Variants in PTPRD observed in about 807,000 individuals in gnomAD.
The protein encoded by PTPRD is receptor-type tyrosine-protein phosphatase delta.
In PTPRD, 34 loss-of-function variants were observed where a neutral mutation model predicts 214.5. The observed-to-expected ratio is 0.16, with a 90% CI of 0.12 to 0.21. The LOEUF is 0.21. Ranked by LOEUF, PTPRD falls within the 10% of genes least tolerant of loss-of-function variation. The probability of loss-of-function intolerance (pLI) is 1.00; values close to 1 mark genes in which losing one functional copy is unlikely to be tolerated. For missense variants in PTPRD, 2,545 were observed against 2,398.7 expected (o/e 1.06, Z -1.27); for synonymous variants, 1,128 against 845.7 (o/e 1.33, Z -5.79).
chr9:9,452,310 A>C (rs1458660130), intron 8 of PTPRD, among the ~76,000 whole-genome samples: 1 of 151,514 alleles, frequency 6.6e-6, no homozygotes, highest in African/African-American at 2.4e-5. Flanking sequence ...ATACTCATTA[A>C]AAATATCTTT....
chr9:10,154,889 T>C lies in PTPRD; in HGVS notation c.-544-121099A>G, dbSNP rs7046548. On this transcript the variant is annotated intron_variant, in intron 3 of 45. Transcript: ENST00000381196. ...TTGAAGTCAGGTAGCATGCTGCCTCTAGCTTTGTTCTTTTTGCTTAGGATT... is the reference window on the plus strand; with the variant it reads ...TTGAAGTCAGGTAGCATGCTGCCTCCAGCTTTGTTCTTTTTGCTTAGGATT... Among the ~76,000 whole-genome samples the C allele has an allele frequency of 1.7e-3, 260 of 152,202 alleles. 1 individual carries two copies. The highest frequency in any genetic ancestry group is 4.8e-3 in the African/African-American group (200 of 41,570).
intron 4 of PTPRD, among the ~76,000 whole-genome samples, chr9:9,998,146 A>ATATAT (rs1566998658): frequency 7.3e-6 from 1 of 137,766 alleles, no homozygotes; most frequent in Non-Finnish European, 1.5e-5. Context: ...ATATATATAT[A>ATATAT]AAAGAAGAAG....
chr9:8,854,462 G>C (rs1361359130), intron 11 of PTPRD, among the ~76,000 whole-genome samples: 2 of 152,242 alleles, frequency 1.3e-5, no homozygotes, highest in East Asian at 1.9e-4. Context: ...AAATAGAATT[G>C]TCCAATGGTT....
chr9:9,497,153 C>G (rs543741481), intron 8 of PTPRD, among the ~76,000 whole-genome samples: 1 of 152,012 alleles, frequency 6.6e-6, no homozygotes, highest in Admixed American at 6.6e-5. Flanking sequence ...AGATGAGAAG[C>G]GTCATGGAGG....
intron 8 of PTPRD, among the ~76,000 whole-genome samples, chr9:9,555,292 C>T (rs983572299): frequency 9.9e-5 from 15 of 151,926 alleles, no homozygotes; most frequent in African/African-American, 3.4e-4. Context: ...TCATTGTTTA[C>T]CTATATAAAC....
rs1220887485 is a variant in PTPRD, at chr9:9,749,102, C to G, written c.-325-14531G>C. Among the ~76,000 whole-genome samples the G allele has an allele frequency of 5.3e-5, 8 of 152,056 alleles. No homozygotes were observed. In the South Asian group the frequency reaches 8.3e-4, roughly 16 times the overall value. ...AATCCACCTGATCTTCTCTTTACTC[C>G]TCTGATTCTAAAGTTTGGCAGAAGA... is the stretch of plus-strand genomic sequence containing the variant. On this transcript the variant is annotated intron_variant, in intron 6 of 45. Coordinates refer to ENST00000381196, the MANE Select transcript of PTPRD (RefSeq NM_002839.4).
intron 5 of PTPRD, among the ~76,000 whole-genome samples, chr9:9,928,084 C>G (rs10759106): frequency 0.074 from 11,187 of 152,132 alleles, 816 homozygotes; most frequent in East Asian, 0.19. Flanking sequence ...TTTTATTACA[C>G]TTTGAAAAGT....
intron 21 of PTPRD, among the ~76,000 whole-genome samples, chr9:8,508,026 C>A (rs890141624): frequency 2.0e-5 from 3 of 152,122 alleles, no homozygotes; most frequent in South Asian, 4.1e-4. Context: ...CTATCACTTA[C>A]AAATAATGAC....
At chr9:10,140,926 G>T (rs955963751) in intron 3 of PTPRD, among the ~76,000 whole-genome samples, 2 of 151,918 alleles carry the variant, frequency 1.3e-5, no homozygotes, top group African/African-American at 4.8e-5. Context: ...TCATCCCTGG[G>T]ATGCAAGGCT....
intron 7 of PTPRD, among the ~76,000 whole-genome samples, chr9:9,684,645 T>C (rs908600739): frequency 2.0e-5 from 3 of 151,526 alleles, no homozygotes; most frequent in Non-Finnish European, 4.4e-5. Context: ...TTGTTAGCAA[T>C]AGACAAATTT....
intron 7 of PTPRD, among the ~76,000 whole-genome samples, chr9:9,641,768 C>T (rs935550441): frequency 2.6e-5 from 4 of 152,108 alleles, no homozygotes; most frequent in South Asian, 2.1e-4. Context: ...CCTCCACAAA[C>T]GTGTTTGCCA....
intron 9 of PTPRD, among the ~76,000 whole-genome samples, chr9:9,187,886 G>C (rs2099932633): frequency 6.6e-6 from 1 of 151,836 alleles, no homozygotes; most frequent in African/African-American, 2.4e-5. Flanking sequence ...GGAATCCTGA[G>C]TCCTTTTGTC....
At chr9:8,324,756 GC>G (rs1831911593) in intron 44 of PTPRD, among the ~76,000 whole-genome samples, 1 of 152,076 alleles carries the variant, frequency 6.6e-6, no homozygotes. Context: ...ATCCTCCCCA[GC>G]ATCTGTTGTT....
intron 8 of PTPRD, among the ~76,000 whole-genome samples, chr9:9,439,858 G>A (rs192104942): frequency 6.6e-6 from 1 of 152,266 alleles, no homozygotes; most frequent in Non-Finnish European, 1.5e-5. Context: ...TGTAGATGAG[G>A]AAACTAAGTC....
At chr9:8,560,186 G>C (rs1161269132) in intron 14 of PTPRD, among the ~76,000 whole-genome samples, 2 of 152,074 alleles carry the variant, frequency 1.3e-5, no homozygotes, top group East Asian at 3.9e-4. Flanking sequence ...ATTATAATTT[G>C]AACAATGTTT....
chr9:9,058,257 T>A (rs2099699958), intron 10 of PTPRD, among the ~76,000 whole-genome samples: 1 of 151,950 alleles, frequency 6.6e-6, no homozygotes, highest in Non-Finnish European at 1.5e-5. Flanking sequence ...AGAAGTAAGT[T>A]GGAATAAAGC....
intron 8 of PTPRD, among the ~76,000 whole-genome samples, chr9:9,483,369 A>C (rs537141527): frequency 2.0e-4 from 31 of 152,184 alleles, no homozygotes; most frequent in Non-Finnish European, 2.9e-4. Context: ...GTGAAGATTG[A>C]CATGTGGCTT....
intron 5 of PTPRD, among the ~76,000 whole-genome samples, chr9:9,918,350 G>GT (rs1199176255): frequency 3.3e-4 from 7 of 21,182 alleles, no homozygotes; most frequent in East Asian, 8.7e-4. Context: ...AACCAAAGAG[G>GT]TAAAAAAAAA....
At chr9:9,595,969 T>G (rs2093321009) in intron 7 of PTPRD, among the ~76,000 whole-genome samples, 3 of 151,952 alleles carry the variant, frequency 2.0e-5, no homozygotes, top group African/African-American at 7.2e-5. Context: ...AAAAATAAAT[T>G]AAATATTCCT....
Sources: gnomAD v4.1 joint callset for allele counts (sites outside exome capture counted in the v4.1 genomes callset) on GRCh38, gnomAD v4.1.1 for gene constraint, MANE v1.5 for transcripts, NCBI Gene and HGNC (gene_info 2026-07-23, HGNC 2026-07-21) for gene names.